Variants in ITPK1 observed in about 807,000 individuals in gnomAD.
ITPK1 encodes inositol 1,3,4-trisphosphate 5/6-kinase.
Under a neutral mutation model 45.3 loss-of-function variants are expected in ITPK1, and 21 were observed. That is an observed-to-expected ratio of 0.46 (90% CI 0.33 to 0.67). ITPK1 has a LOEUF of 0.67. Among genes scored for constraint, ITPK1 ranks in the 30% least tolerant of loss-of-function variants. The probability of loss-of-function intolerance (pLI) is 0.02; values close to 1 mark genes in which losing one functional copy is unlikely to be tolerated. For missense variants in ITPK1, 474 were observed against 573.5 expected, an observed-to-expected ratio of 0.83 and a Z score of 1.77; for synonymous variants, 258 against 253.6, an observed-to-expected ratio of 1.02 and a Z score of -0.16.
chr14:92,967,700 A>G (rs1055024750), intron 5 of ITPK1, among the ~76,000 whole-genome samples: 1 of 152,236 alleles, frequency 6.6e-6, no homozygotes, highest in African/African-American at 2.4e-5. Flanking sequence ...TGACCTACCC[A>G]TACAATGGAA....
chr14:92,940,871 C>A lies in ITPK1; in HGVS notation c.*690G>T. ...GGCTTAGGGGAAGGAGACCGCTGTG[C>A]AGGGCTAAATGGGACGTGTGTTGGG... is the stretch of plus-strand genomic sequence containing the variant. On this transcript the variant is annotated 3_prime_UTR_variant, in exon 11 of 11. Transcript: ENST00000267615. 7.8e-7 allele frequency: 1 copy of A among 1,288,722 alleles called. No homozygotes were observed. Among genetic ancestry groups the A allele is most frequent in the Non-Finnish European group, 1.0e-6 (1 of 988,730 alleles). The allele number at this position is 1,288,722 out of a possible 1,614,324, so 79.8% of individuals were successfully genotyped here. A position where few individuals can be genotyped will look rare whatever the true frequency, so the allele number is the denominator to read the frequency against.
chr14:93,084,069 G>A (rs181020817), intron 2 of ITPK1, among the ~76,000 whole-genome samples: 1 of 152,340 alleles, frequency 6.6e-6, no homozygotes, highest in East Asian at 1.9e-4. Context: ...TGTGAACAGA[G>A]GTGACCATGT....
intron 2 of ITPK1, among the ~76,000 whole-genome samples, chr14:93,101,907 GGACT>G (rs1566786989): frequency 6.6e-6 from 1 of 152,122 alleles, no homozygotes; most frequent in African/African-American, 2.4e-5. Context: ...CTCCACATAC[GGACT>G]GACAGCTTCA....
chr14:92,974,675 C>T (rs1374953027), intron 5 of ITPK1, among the ~76,000 whole-genome samples: 4 of 152,200 alleles, frequency 2.6e-5, no homozygotes, highest in Non-Finnish European at 5.9e-5. Flanking sequence ...CAGGTGCCCT[C>T]GTGGGACAAG....
chr14:92,971,030 C>T (rs1233989805), intron 5 of ITPK1, among the ~76,000 whole-genome samples: 4 of 152,138 alleles, frequency 2.6e-5, no homozygotes. Context: ...CCCTTTCTTT[C>T]CCCTCCCAGC....
chr14:93,003,760 C>T (rs1887472300), intron 4 of ITPK1, among the ~76,000 whole-genome samples: 1 of 152,214 alleles, frequency 6.6e-6, no homozygotes, highest in Non-Finnish European at 1.5e-5. Flanking sequence ...AGCCCAGCTA[C>T]ACCTGGCTAA....
intron 2 of ITPK1, among the ~76,000 whole-genome samples, chr14:93,079,975 T>C (rs1891375015): frequency 1.3e-5 from 2 of 152,160 alleles, no homozygotes; most frequent in Admixed American, 1.3e-4. Context: ...CCAAACTGTA[T>C]GTGATAGCAA....
intron 2 of ITPK1, among the ~76,000 whole-genome samples, chr14:93,110,739 C>T (rs1349957139): frequency 5.9e-5 from 9 of 152,190 alleles, no homozygotes; most frequent in Non-Finnish European, 1.2e-4. Context: ...AGGTCTGAGA[C>T]TGCTCCAGAA....
rs182808074 is a variant in ITPK1 at position 92,970,836 on chromosome 14, C to A, written c.365-7987G>T. Among the ~76,000 whole-genome samples, 550 of 152,178 alleles carry A rather than the reference C, an allele frequency of 3.6e-3. 2 individuals are homozygous for A. Among genetic ancestry groups the A allele is most frequent in the Admixed American group, 9.2e-3 (140 of 15,296 alleles). Reference sequence around the variant, plus strand: ...TTTTTTAGTAGAGATGGGGTTTCACCGTGTTAGCCAGGATGGTCTCGATCT... The same window carrying A: ...TTTTTTAGTAGAGATGGGGTTTCACAGTGTTAGCCAGGATGGTCTCGATCT... On this transcript the variant is annotated intron_variant, in intron 5 of 10. Coordinates refer to ENST00000267615, the MANE Select transcript of ITPK1 (RefSeq NM_014216.6).
intron 4 of ITPK1, among the ~76,000 whole-genome samples, chr14:93,004,780 T>G (rs1887529297): frequency 2.0e-5 from 3 of 148,754 alleles, no homozygotes; most frequent in African/African-American, 7.5e-5. Flanking sequence ...GGAGTGTGGG[T>G]GCGGGGGGCA....
Position 92,938,652 on chromosome 14 carries a change from C to T in ITPK1, c.*2909G>A. 1 of 765,722 alleles carries T rather than the reference C, an allele frequency of 1.3e-6. No homozygotes were observed. Among genetic ancestry groups the T allele is most frequent in the Admixed American group, 2.1e-5 (1 of 47,838 alleles). The allele number at this position is 765,722 out of a possible 1,614,324, so 47.4% of individuals were successfully genotyped here. A position where few individuals can be genotyped will look rare whatever the true frequency, so the allele number is the denominator to read the frequency against. On this transcript the variant is annotated 3_prime_UTR_variant, in exon 11 of 11. Transcript: ENST00000267615. Reference sequence around the variant, plus strand: ...CAGGTTGCAGCTGGGTCCAATCCCGCCGGCCATGCTGGGTGACTGCAGGCC... The same window carrying T: ...CAGGTTGCAGCTGGGTCCAATCCCGTCGGCCATGCTGGGTGACTGCAGGCC...
rs1027347508 is a variant in ITPK1, at chr14:93,036,474, G to A, written c.121-19673C>T. Among the ~76,000 whole-genome samples, 4 of 152,046 alleles carry A rather than the reference G, an allele frequency of 2.6e-5. No individual in the cohort carries two copies. Among genetic ancestry groups the A allele is most frequent in the African/African-American group, 7.3e-5 (3 of 41,372 alleles). Reference sequence around the variant, plus strand: ...AGACACAGCCAACAATGACAAACACGTGACCTCCTCCGAGAGGCTGGTGGG... The same window carrying A: ...AGACACAGCCAACAATGACAAACACATGACCTCCTCCGAGAGGCTGGTGGG... On this transcript the variant is annotated intron_variant, in intron 3 of 10. Transcript: ENST00000267615. This position sits in a 1 kb window ranked among gnomAD's most constrained non-coding sequence, Gnocchi z 4.1.
intron 3 of ITPK1, among the ~76,000 whole-genome samples, chr14:93,054,288 C>T (rs1332743617): frequency 1.3e-5 from 2 of 152,266 alleles, no homozygotes; most frequent in South Asian, 2.1e-4. Context: ...AAGTAATAAA[C>T]GCAGGTTTTA....
intron 2 of ITPK1, among the ~76,000 whole-genome samples, chr14:93,096,648 C>T (rs1182156784): frequency 2.0e-5 from 3 of 152,198 alleles, no homozygotes; most frequent in Non-Finnish European, 2.9e-5. Flanking sequence ...AAGGAGAGAG[C>T]GCAGGAGCTA....
intron 3 of ITPK1, among the ~76,000 whole-genome samples, chr14:93,018,082 C>T (rs2139859658): frequency 6.6e-6 from 1 of 152,320 alleles, no homozygotes; most frequent in Non-Finnish European, 1.5e-5. Flanking sequence ...GGCAGCTGTC[C>T]TCTCAGGCCA....
chr14:93,075,637 C>A (rs1891191484), intron 3 of ITPK1, among the ~76,000 whole-genome samples: 1 of 152,188 alleles, frequency 6.6e-6, no homozygotes, highest in Non-Finnish European at 1.5e-5. Flanking sequence ...AATGGGGACG[C>A]TGCTCTCCTA....
chr14:93,020,465 C>A (rs539714998), intron 3 of ITPK1, among the ~76,000 whole-genome samples: 1 of 152,220 alleles, frequency 6.6e-6, no homozygotes, highest in Non-Finnish European at 1.5e-5. Context: ...CCCTTCCCTG[C>A]ACCTCACAGG....
At chr14:92,960,372 G>A (rs1457876318) in intron 7 of ITPK1, among the ~76,000 whole-genome samples, 1 of 152,216 alleles carries the variant, frequency 6.6e-6, no homozygotes, top group Non-Finnish European at 1.5e-5. Flanking sequence ...TACCGGGCAA[G>A]TACCAGGGCA....
At chr14:92,991,012 G>C (rs775353536) in intron 5 of ITPK1, among the ~76,000 whole-genome samples, 8 of 151,438 alleles carry the variant, frequency 5.3e-5, no homozygotes, top group Admixed American at 4.0e-4. Flanking sequence ...GCCGGGGCAG[G>C]GGGGGTGACA....
Sources: gnomAD v4.1 joint callset for allele counts (sites outside exome capture counted in the v4.1 genomes callset) on GRCh38, gnomAD v4.1.1 for gene constraint, Gnocchi (gnomAD v3.1) non-coding constraint, MANE v1.5 for transcripts, NCBI Gene and HGNC (gene_info 2026-07-23, HGNC 2026-07-21) for gene names.